The following SPATA1 variants were observed in gnomAD, a reference collection of about 807,000 sequenced individuals.
SPATA1 encodes spermatogenesis associated 1.
In SPATA1, 57 loss-of-function variants were observed where a neutral mutation model predicts 59.6. That is an observed-to-expected ratio of 0.96 (90% CI 0.77 to 1.19). The LOEUF (loss-of-function observed/expected upper bound fraction) is 1.19, where lower values mean the gene tolerates loss of function less well. Ranked by LOEUF, SPATA1 falls within the 50% of genes most tolerant of loss-of-function variation. The pLI is 0.00. For missense variants in SPATA1, 448 were observed against 480.7 expected, an observed-to-expected ratio of 0.93 and a Z score of 0.64; for synonymous variants, 147 against 163.9, an observed-to-expected ratio of 0.90 and a Z score of 0.79.
rs982429581 is a variant in SPATA1 at position 84,563,976 on chromosome 1, A to G, written n.443-1885A>G. 9 of 905,652 alleles carry G rather than the reference A, an allele frequency of 9.9e-6. No individual in the cohort carries two copies. The Admixed American group carries it at 3.6e-4, about 37-fold the overall frequency. 56.1% of individuals were successfully genotyped at this position (905,652 alleles called of 1,614,324 possible). Reference sequence around the variant, plus strand: ...AATATTGTTTAATATGTTATAAAACATCCCTTAAGAACCATAAATTCTATA... The same window carrying G: ...AATATTGTTTAATATGTTATAAAACGTCCCTTAAGAACCATAAATTCTATA... On this transcript the variant is annotated intron_variant and non_coding_transcript_variant, in intron 4 of 4. Transcript: ENST00000460286.
intron 6 of SPATA1, among the ~76,000 whole-genome samples, chr1:84,531,551 G>A (rs1683468097): frequency 6.7e-6 from 1 of 148,382 alleles, no homozygotes; most frequent in South Asian, 2.1e-4. Context: ...GCTCCAGGTT[G>A]CACAATAGTT....
At chr1:84,543,590 T>C (rs775467449) in intron 8 of SPATA1, among the ~76,000 whole-genome samples, 1 of 152,044 alleles carries the variant, frequency 6.6e-6, no homozygotes, top group Non-Finnish European at 1.5e-5. Flanking sequence ...AGGGGAACAG[T>C]ATCAATGGGG....
chr1:84,521,979 T>C (rs931511036), intron 3 of SPATA1, among the ~76,000 whole-genome samples: 1 of 152,184 alleles, frequency 6.6e-6, no homozygotes, highest in Non-Finnish European at 1.5e-5. Flanking sequence ...TGTTAGATTA[T>C]TTAAAAAATT....
intron 2 of SPATA1, among the ~76,000 whole-genome samples, chr1:84,519,946 G>T (rs576098433): frequency 6.6e-6 from 1 of 152,162 alleles, no homozygotes; most frequent in East Asian, 1.9e-4. Context: ...TTCTGTTGTG[G>T]TTATATAAAT....
At chr1:84,554,302 C>A (rs879286195) in exon 13 of SPATA1, 1 of 152,090 alleles carries the variant, frequency 6.6e-6, no homozygotes, top group African/African-American at 2.4e-5. Flanking sequence ...AAATGAGCCT[C>A]ATAAAAATAA....
intron 8 of SPATA1, among the ~76,000 whole-genome samples, chr1:84,535,900 A>G (rs1404789507): frequency 6.6e-6 from 1 of 152,152 alleles, no homozygotes; most frequent in African/African-American, 2.4e-5. Flanking sequence ...AGTTCTGGTG[A>G]TGGCCTCAAC....
intron 3 of SPATA1, among the ~76,000 whole-genome samples, chr1:84,521,987 A>T (rs1048537188): frequency 2.6e-5 from 4 of 152,202 alleles, no homozygotes; most frequent in African/African-American, 7.2e-5. Context: ...TATTTAAAAA[A>T]TTTTTAAGCA....
chr1:84,512,427 C>T (rs1682607485), intron 1 of SPATA1, among the ~76,000 whole-genome samples: 1 of 152,162 alleles, frequency 6.6e-6, no homozygotes, highest in Non-Finnish European at 1.5e-5. Flanking sequence ...TGAGATTCTA[C>T]TTTATTGGTA....
intron 6 of SPATA1, chr1:84,527,786 G>A (rs1273169383): frequency 6.6e-6 from 1 of 152,314 alleles, no homozygotes; most frequent in African/African-American, 2.4e-5. Flanking sequence ...CTGGAGTGCA[G>A]TGGCACAATC....
chr1:84,511,505 T>TAG (rs1682543676), intron 1 of SPATA1, among the ~76,000 whole-genome samples: 1 of 151,896 alleles, frequency 6.6e-6, no homozygotes, highest in Non-Finnish European at 1.5e-5. Context: ...GCTCTAGAAG[T>TAG]CTAACTACTA....
intron 1 of SPATA1, among the ~76,000 whole-genome samples, chr1:84,514,545 T>C (rs1178946225): frequency 6.6e-6 from 1 of 152,224 alleles, no homozygotes; most frequent in African/African-American, 2.4e-5. Context: ...TTTCAGATTT[T>C]TGAGCATTGC....
intron 4 of SPATA1, among the ~76,000 whole-genome samples, chr1:84,562,183 C>G (rs890009029): frequency 6.6e-6 from 1 of 152,096 alleles, no homozygotes; most frequent in Non-Finnish European, 1.5e-5. Context: ...CCAAGAGGGG[C>G]GTACAGTATA....
chr1:84,554,446 G>A (rs780380090), exon 13 of SPATA1: 1 of 152,150 alleles, frequency 6.6e-6, no homozygotes, highest in East Asian at 1.9e-4. Context: ...TTTAGTTCAA[G>A]TACCTCAGAG....
At chr1:84,541,338 C>T (rs757622086) in intron 8 of SPATA1, among the ~76,000 whole-genome samples, 1 of 152,034 alleles carries the variant, frequency 6.6e-6, no homozygotes, top group Non-Finnish European at 1.5e-5. Flanking sequence ...CTTTCAGGGG[C>T]AACAATTAGT....
chr1:84,532,183 G>A (rs1683498223), intron 6 of SPATA1, among the ~76,000 whole-genome samples: 1 of 152,192 alleles, frequency 6.6e-6, no homozygotes, highest in Admixed American at 6.5e-5. Context: ...TTCAAAAACT[G>A]CTTTGGCAAA....
chr1:84,541,988 G>A (rs886077562), intron 8 of SPATA1, among the ~76,000 whole-genome samples: 1 of 151,808 alleles, frequency 6.6e-6, no homozygotes. Context: ...CATTTTTCTT[G>A]AGATGGAGTC....
intron 8 of SPATA1, among the ~76,000 whole-genome samples, chr1:84,540,857 GA>G (rs933813424): frequency 6.6e-6 from 1 of 152,046 alleles, no homozygotes; most frequent in Non-Finnish European, 1.5e-5. Context: ...TTAAAGAGTT[GA>G]AAAAAAGAGG....
At chr1:84,565,748 A>G (rs557401356) in intron 4 of SPATA1, 113 bp from the exon 14 acceptor site, 1 of 655,760 alleles carries the variant, frequency 1.5e-6, no homozygotes, top group African/African-American at 1.9e-5. Flanking sequence ...AAAAACGTAT[A>G]CATATAACTT....
At chr1:84,553,092 A>G (rs1271313332) in exon 13 of SPATA1, 2 of 1,526,544 alleles carry the variant, frequency 1.3e-6, no homozygotes. Context: ...GGCACAGAAA[A>G]AAAAAATAAT....
Sources: allele counts gnomAD v4.1 joint callset (sites outside exome capture counted in the v4.1 genomes callset), GRCh38; gene constraint gnomAD v4.1.1; transcripts MANE v1.5; gene names NCBI Gene and HGNC (gene_info 2026-07-23, HGNC 2026-07-21).